RNF152: variants seen among roughly 807,000 people sequenced by gnomAD.
RNF152 encodes the protein E3 ubiquitin-protein ligase RNF152.
A neutral mutation model predicts 12.7 loss-of-function variants in RNF152; 11 were observed. The ratio of observed to expected loss-of-function variants is 0.86; its 90% confidence interval spans 0.54 to 1.43. The LOEUF is 1.43. Ranked by LOEUF, RNF152 falls within the 40% of genes most tolerant of loss-of-function variation. The probability of loss-of-function intolerance (pLI) is 0.00; values close to 1 mark genes in which losing one functional copy is unlikely to be tolerated. For missense variants in RNF152, 255 were observed against 274.8 expected, an observed-to-expected ratio of 0.93 and a Z score of 0.51; for synonymous variants, 113 against 120.3, an observed-to-expected ratio of 0.94 and a Z score of 0.40.
intron 1 of RNF152, among the ~76,000 whole-genome samples, chr18:61,822,564 C>T (rs865951054): frequency 2.0e-5 from 3 of 152,134 alleles, no homozygotes; most frequent in Non-Finnish European, 2.9e-5. Context: ...ATCCCAGTTG[C>T]TTTTAGAAGT....
chr18:61,832,949 TAACATGGAA>T lies in RNF152; in HGVS notation c.-135-16360_-135-16352del, dbSNP rs375117185. 6.0e-3 allele frequency among the ~76,000 whole-genome samples: 907 copies of T among 152,318 alleles called. 7 individuals are homozygous for T. The highest frequency in any genetic ancestry group is 0.02 in the African/African-American group (848 of 41,576). On this transcript the variant is annotated intron_variant, in intron 1 of 1. Transcript: ENST00000312828. ...TCTGTTCCCATTTTATAAGTACCTA[TAACATGGAA>T]AATCTGTATCTGCTTAATTCAAGAT...
intron 1 of RNF152, among the ~76,000 whole-genome samples, chr18:61,870,454 C>T (rs914450616): frequency 1.3e-5 from 2 of 152,108 alleles, no homozygotes; most frequent in Non-Finnish European, 2.9e-5. Flanking sequence ...AAGAGGAGAC[C>T]ACGCCTGTCA....
intron 1 of RNF152, among the ~76,000 whole-genome samples, chr18:61,820,323 C>T (rs138638221): frequency 0.1 from 9,400 of 91,916 alleles, 627 homozygotes; most frequent in Middle Eastern, 0.17. Context: ...AGAGAGACTC[C>T]GTCTCACCAA....
intron 1 of RNF152, among the ~76,000 whole-genome samples, chr18:61,851,639 C>T (rs1435915930): frequency 6.6e-6 from 1 of 152,196 alleles, no homozygotes; most frequent in Non-Finnish European, 1.5e-5. Flanking sequence ...TAAACTGAGA[C>T]AATATAATCC....
intron 1 of RNF152, among the ~76,000 whole-genome samples, chr18:61,835,250 A>G (rs78242230): frequency 6.6e-6 from 1 of 152,214 alleles, no homozygotes; most frequent in Non-Finnish European, 1.5e-5. Flanking sequence ...TTGCAATAGG[A>G]AAAAAATCTA....
chr18:61,866,154 A>G (rs1421268903), intron 1 of RNF152, among the ~76,000 whole-genome samples: 1 of 152,124 alleles, frequency 6.6e-6, no homozygotes, highest in East Asian at 1.9e-4. Context: ...CCCTGTGGTA[A>G]CCCCTGCCCA....
intron 1 of RNF152, among the ~76,000 whole-genome samples, chr18:61,822,677 T>G (rs905560767): frequency 1.3e-5 from 2 of 152,154 alleles, no homozygotes; most frequent in African/African-American, 4.8e-5. Flanking sequence ...TCTGTGACAG[T>G]GGGGTTAATT....
intron 1 of RNF152, among the ~76,000 whole-genome samples, chr18:61,820,682 G>C (rs1223515342): frequency 6.6e-6 from 1 of 152,046 alleles, no homozygotes; most frequent in Non-Finnish European, 1.5e-5. Flanking sequence ...AATGAGGCTG[G>C]GGACAAAAAT....
chr18:61,827,583 C>T (rs1909728190), intron 1 of RNF152, among the ~76,000 whole-genome samples: 1 of 150,392 alleles, frequency 6.6e-6, no homozygotes, highest in Non-Finnish European at 1.5e-5. Context: ...AGTAAAAGGC[C>T]AGTGGGTTTT....
chr18:61,855,602 C>T (rs1389221580), intron 1 of RNF152, among the ~76,000 whole-genome samples: 1 of 152,246 alleles, frequency 6.6e-6, no homozygotes, highest in Non-Finnish European at 1.5e-5. Context: ...ATGGAGCCAG[C>T]ACCTGTGCCA....
intron 1 of RNF152, among the ~76,000 whole-genome samples, chr18:61,873,220 TG>T (rs1912070406): frequency 6.6e-6 from 1 of 152,228 alleles, no homozygotes; most frequent in Non-Finnish European, 1.5e-5. Context: ...TTTCACAAAA[TG>T]CTTAAAAGTT....
chr18:61,892,498 AAC>A lies in RNF152; in HGVS notation c.-136+295_-136+296del, dbSNP rs369977363. ...AGAAAGCAGGCATCTATGGAAACCT[AAC>A]ATTCAGATACAACTGCCTGTGTATG... On this transcript the variant is annotated intron_variant, in intron 1 of 1. Coordinates refer to ENST00000312828, the MANE Select transcript of RNF152 (RefSeq NM_173557.3). 1.5e-3 allele frequency among the ~76,000 whole-genome samples: 235 copies of A among 152,300 alleles called. 2 individuals are homozygous for A. Among genetic ancestry groups the A allele is most frequent in the African/African-American group, 5.3e-3 (222 of 41,550 alleles).
At chr18:61,877,962 T>C (rs1470046598) in intron 1 of RNF152, among the ~76,000 whole-genome samples, 1 of 152,188 alleles carries the variant, frequency 6.6e-6, no homozygotes, top group Non-Finnish European at 1.5e-5. Flanking sequence ...CAAGGGAGCA[T>C]CTGCTCCACA....
chr18:61,872,357 G>A (rs1912032737), intron 1 of RNF152, among the ~76,000 whole-genome samples: 1 of 152,284 alleles, frequency 6.6e-6, no homozygotes, highest in South Asian at 2.1e-4. Context: ...AAACCTGATC[G>A]CTGAAGTTCC....
Position 61,816,298 on chromosome 18 carries a change from C to A in RNF152, c.166G>T (p.Gly56Cys), listed in dbSNP as rs753556461. 1 of 1,614,184 alleles carries A rather than the reference C, an allele frequency of 6.2e-7. No homozygotes were observed. The highest frequency in any genetic ancestry group is 8.5e-7 in the Non-Finnish European group (1 of 1,180,014). Residue 56 changes from glycine to cysteine, a missense_variant, in exon 2 of 2, where the codon GGT becomes TGT. Gly to Cys is a radical substitution (Grantham distance 159). Coordinates refer to ENST00000312828, the MANE Select transcript of RNF152 (RefSeq NM_173557.3). ...QKDVRCPWCRGVTKLPPGFSV... is the reference protein window; with the variant it reads ...QKDVRCPWCRCVTKLPPGFSV... ...AAGCCGGGAGGCAGCTTGGTGACAC[C>A]GCGGCACCAGGGGCACCGCACATCC...
intron 1 of RNF152, among the ~76,000 whole-genome samples, chr18:61,869,925 A>T (rs1911908738): frequency 6.6e-6 from 1 of 152,122 alleles, no homozygotes; most frequent in Admixed American, 6.5e-5. Context: ...GAAACCATGA[A>T]AGAAACAGTG....
At chr18:61,885,588 G>A (rs544796763) in intron 1 of RNF152, among the ~76,000 whole-genome samples, 2 of 152,258 alleles carry the variant, frequency 1.3e-5, no homozygotes, top group East Asian at 1.9e-4. Flanking sequence ...AATTACAGGC[G>A]TGAGCCACCA....
chr18:61,892,835 T>C lies in RNF152; in HGVS notation c.-176A>G, dbSNP rs1646319830. The C allele has an allele frequency of 1.3e-5, 2 of 152,060 alleles. No homozygotes were observed. Among genetic ancestry groups the C allele is most frequent in the Non-Finnish European group, 2.9e-5 (2 of 68,038 alleles). 9.4% of individuals were successfully genotyped at this position (152,060 alleles called of 1,614,324 possible). On this transcript the variant is annotated 5_prime_UTR_variant, in exon 1 of 2. Coordinates refer to ENST00000312828, the MANE Select transcript of RNF152 (RefSeq NM_173557.3). ...AGTCTCTTTCACCCCTTCTGCGTGA[T>C]GACATCAAGTGGAAATGGTACACGT...
chr18:61,831,328 A>C (rs1909932971), intron 1 of RNF152, among the ~76,000 whole-genome samples: 1 of 152,198 alleles, frequency 6.6e-6, no homozygotes, highest in Admixed American at 6.5e-5. Flanking sequence ...GCTCGGATTC[A>C]TCATCTTTCC....
Sources: gnomAD v4.1 joint callset for allele counts (sites outside exome capture counted in the v4.1 genomes callset) on GRCh38, gnomAD v4.1.1 for gene constraint, MANE v1.5 for transcripts, NCBI Gene and HGNC (gene_info 2026-07-23, HGNC 2026-07-21) for gene names.